Variants in RNF13 observed in about 807,000 individuals in gnomAD.
The protein encoded by RNF13 is ring finger protein 13, also known as E3 ubiquitin-protein ligase RNF13.
A neutral mutation model predicts 37.7 loss-of-function variants in RNF13; 19 were observed. The ratio of observed to expected loss-of-function variants is 0.50; its 90% CI spans 0.35 to 0.74. RNF13 has a LOEUF of 0.74. Among genes scored for constraint, RNF13 ranks in the 30% least tolerant of loss-of-function variants. The pLI is 0.01. For missense variants in RNF13, 375 were observed against 453.0 expected, an observed-to-expected ratio of 0.83 and a Z score of 1.56; for synonymous variants, 144 against 157.8, an observed-to-expected ratio of 0.91 and a Z score of 0.65.
chr3:149,946,481 T>A (rs1720782656), intron 8 of RNF13, among the ~76,000 whole-genome samples: 1 of 152,240 alleles, frequency 6.6e-6, no homozygotes, highest in Non-Finnish European at 1.5e-5. Flanking sequence ...TTAATTACTA[T>A]TTCAATTCTT....
chr3:149,860,256 T>TAAAAAA (rs764889596), intron 3 of RNF13, among the ~76,000 whole-genome samples: 2 of 57,810 alleles, frequency 3.5e-5, no homozygotes, highest in African/African-American at 1.3e-4. Flanking sequence ...AGACTCCATC[T>TAAAAAA]AAAAAAAAAA....
chr3:149,883,477 TCTC>T (rs1485068617), intron 4 of RNF13, among the ~76,000 whole-genome samples: 2 of 152,096 alleles, frequency 1.3e-5, no homozygotes, highest in Non-Finnish European at 2.9e-5. Context: ...ATGTTTATAT[TCTC>T]CTTCAAATCC....
At chr3:149,934,562 A>G (rs1719489850) in intron 8 of RNF13, among the ~76,000 whole-genome samples, 2 of 152,034 alleles carry the variant, frequency 1.3e-5, no homozygotes, top group Non-Finnish European at 1.5e-5. Flanking sequence ...TTGCTCAAAA[A>G]AATTTTTAGA....
At chr3:149,819,278 A>G (rs542435603) in intron 1 of RNF13, among the ~76,000 whole-genome samples, 2 of 152,378 alleles carry the variant, frequency 1.3e-5, no homozygotes, top group East Asian at 3.9e-4. Context: ...TGTTTAAGAA[A>G]AGATGTCTAC....
At chr3:149,883,708 C>G (rs928897796) in intron 4 of RNF13, among the ~76,000 whole-genome samples, 19 of 148,512 alleles carry the variant, frequency 1.3e-4, no homozygotes, top group African/African-American at 4.7e-4. Context: ...TTTCAACTTT[C>G]ATTTTTTAAG....
At position 149,869,344 on chromosome 3, in the gene RNF13, G is replaced by A. The variant is rs1411872621; in HGVS notation, c.196-2685G>A. Among the ~76,000 whole-genome samples, 4 of 151,832 alleles carry A rather than the reference G, an allele frequency of 2.6e-5. 2 individuals carry two copies. Among genetic ancestry groups the A allele is most frequent in the Non-Finnish European group, 5.9e-5 (4 of 67,886 alleles). ...TATTAGGCCGGGCGCGGTGGCTCAC[G>A]CCTGTAATCCCAGCACTTTGGGAGG... On this transcript the variant is annotated intron_variant, in intron 3 of 9. Transcript: ENST00000392894.
chr3:149,846,957 A>G (rs1403093531), intron 2 of RNF13, among the ~76,000 whole-genome samples: 3 of 152,220 alleles, frequency 2.0e-5, no homozygotes, highest in Non-Finnish European at 4.4e-5. Context: ...GTGCTGCTCA[A>G]AACCTTAGCA....
chr3:149,945,823 C>T (rs566530275), intron 8 of RNF13, among the ~76,000 whole-genome samples: 16 of 152,282 alleles, frequency 1.1e-4, no homozygotes, highest in African/African-American at 3.9e-4. Context: ...GAGTGGACCT[C>T]CAGCAAACTC....
intron 1 of RNF13, among the ~76,000 whole-genome samples, chr3:149,823,480 T>C (rs1720193162): frequency 1.3e-5 from 2 of 152,182 alleles, no homozygotes; most frequent in Non-Finnish European, 2.9e-5. Flanking sequence ...TTGGGCAATA[T>C]GTATGAAGTC....
intron 8 of RNF13, among the ~76,000 whole-genome samples, chr3:149,948,037 C>T (rs996090709): frequency 1.3e-5 from 2 of 152,110 alleles, no homozygotes; most frequent in African/African-American, 2.4e-5. Context: ...GTAACCTCCA[C>T]CTCCTGGGTT....
intron 3 of RNF13, among the ~76,000 whole-genome samples, chr3:149,868,046 G>GA (rs1209581105): frequency 4.0e-5 from 6 of 151,424 alleles, no homozygotes; most frequent in East Asian, 1.9e-4. Context: ...AAAGGAAAAT[G>GA]AAAAAAAATC....
At chr3:149,959,624 T>C (rs1214402875) in intron 8 of RNF13, among the ~76,000 whole-genome samples, 2 of 152,230 alleles carry the variant, frequency 1.3e-5, no homozygotes, top group Non-Finnish European at 2.9e-5. Flanking sequence ...AGATTTGAAG[T>C]CCAGTGTGAC....
intron 8 of RNF13, among the ~76,000 whole-genome samples, chr3:149,936,509 C>A (rs1433535115): frequency 1.3e-5 from 2 of 151,944 alleles, no homozygotes; most frequent in African/African-American, 4.8e-5. Flanking sequence ...TCTGTCAAAA[C>A]CCTCTCATGC....
intron 3 of RNF13, among the ~76,000 whole-genome samples, chr3:149,863,382 C>CT (rs547454647): frequency 4.0e-5 from 6 of 151,894 alleles, no homozygotes; most frequent in Non-Finnish European, 8.8e-5. Context: ...AGTCTTGATT[C>CT]TTTTTTTTAT....
intron 3 of RNF13, among the ~76,000 whole-genome samples, chr3:149,866,327 G>T (rs1724817559): frequency 1.3e-5 from 2 of 152,182 alleles, no homozygotes; most frequent in African/African-American, 2.4e-5. Context: ...CTAAACAAGG[G>T]GTAGATTATT....
chr3:149,913,116 A>G (rs1216280941), intron 7 of RNF13, among the ~76,000 whole-genome samples: 2 of 152,130 alleles, frequency 1.3e-5, no homozygotes, highest in Non-Finnish European at 2.9e-5. Context: ...ATTAAATGCT[A>G]TCTTTAAAAT....
chr3:149,881,276 T>G (rs565229945), intron 4 of RNF13, among the ~76,000 whole-genome samples: 1 of 152,336 alleles, frequency 6.6e-6, no homozygotes, highest in South Asian at 2.1e-4. Context: ...TTAAAATTGC[T>G]TGTCCATATG....
At chr3:149,941,555 G>C (rs1186997150) in intron 8 of RNF13, among the ~76,000 whole-genome samples, 1 of 135,050 alleles carries the variant, frequency 7.4e-6, no homozygotes, top group Admixed American at 7.4e-5. Context: ...TTTTTTTACT[G>C]TTGAGTTGTA....
chr3:149,901,652 T>C (rs1420730651), intron 5 of RNF13, among the ~76,000 whole-genome samples: 1 of 152,194 alleles, frequency 6.6e-6, no homozygotes, highest in Non-Finnish European at 1.5e-5. Context: ...TTATATTCTC[T>C]GGCTTATACG....
Sources: gnomAD v4.1 joint callset for allele counts (sites outside exome capture counted in the v4.1 genomes callset) on GRCh38, gnomAD v4.1.1 for gene constraint, MANE v1.5 for transcripts, NCBI Gene and HGNC (gene_info 2026-07-23, HGNC 2026-07-21) for gene names.